PCDH9: variants seen among roughly 807,000 people sequenced by gnomAD.
PCDH9 encodes the protein protocadherin-9.
In PCDH9, 24 loss-of-function variants were observed where a neutral mutation model predicts 70.6. That is an observed-to-expected ratio of 0.34 (90% CI 0.25 to 0.48). PCDH9 has a LOEUF of 0.48. Among genes scored for constraint, PCDH9 ranks in the 20% least tolerant of loss-of-function variants. The probability of loss-of-function intolerance (pLI) is 0.99; values close to 1 mark genes in which losing one functional copy is unlikely to be tolerated. For missense variants in PCDH9, 1,281 were observed against 1,503.6 expected, an observed-to-expected ratio of 0.85 and a Z score of 2.45; for synonymous variants, 562 against 558.5, an observed-to-expected ratio of 1.01 and a Z score of -0.09.
chr13:66,574,216 G>A (rs2076779226), intron 4 of PCDH9, among the ~76,000 whole-genome samples: 1 of 152,168 alleles, frequency 6.6e-6, no homozygotes, highest in African/African-American at 2.4e-5. Flanking sequence ...ATATTAATGA[G>A]CAACAACTAT....
intron 2 of PCDH9, among the ~76,000 whole-genome samples, chr13:67,159,519 C>A (rs1328703422): frequency 6.6e-6 from 1 of 151,992 alleles, no homozygotes; most frequent in Non-Finnish European, 1.5e-5. Flanking sequence ...TCTTGGACAT[C>A]GAGTAGGAAA....
At chr13:66,975,206 C>A (rs2083594114) in intron 2 of PCDH9, among the ~76,000 whole-genome samples, 1 of 151,936 alleles carries the variant, frequency 6.6e-6, no homozygotes, top group Non-Finnish European at 1.5e-5. Context: ...AAGCAGAAAT[C>A]TAAATGACCT....
At chr13:66,981,024 T>G (rs2083752602) in intron 2 of PCDH9, among the ~76,000 whole-genome samples, 1 of 152,182 alleles carries the variant, frequency 6.6e-6, no homozygotes, top group East Asian at 1.9e-4. Context: ...CCATAAAATC[T>G]ATTTTAAACG....
chr13:66,723,037 T>C (rs1424439457), intron 3 of PCDH9, among the ~76,000 whole-genome samples: 2 of 151,858 alleles, frequency 1.3e-5, no homozygotes, highest in Non-Finnish European at 2.9e-5. Flanking sequence ...AAATTCCTAA[T>C]TTCTGCTCCT....
At position 67,027,217 on chromosome 13, in the gene PCDH9, A is replaced by G. The variant is rs1184163089; in HGVS notation, c.3037-123612T>C. 4.6e-5 allele frequency among the ~76,000 whole-genome samples: 7 copies of G among 152,248 alleles called. No homozygotes were observed. The South Asian group carries it at 1.5e-3, about 32-fold the overall frequency. ...GCATGGTACTGGTACCAAAACAGAG[A>G]TATAGATCAACGGAACAGAACAGAG... On this transcript the variant is annotated intron_variant, in intron 2 of 4. Transcript: ENST00000377865.
chr13:66,938,324 T>A lies in PCDH9; in HGVS notation c.3037-34719A>T, dbSNP rs1164733055. On this transcript the variant is annotated intron_variant, in intron 2 of 4. Transcript: ENST00000377865. ...ATTTCCTTAACATGATATACCAGAA[T>A]AAATAAAGCATTGCTATTTGAAAAA... 2.0e-5 allele frequency among the ~76,000 whole-genome samples: 3 copies of A among 152,226 alleles called. No individual in the cohort carries two copies. In the East Asian group the frequency reaches 5.8e-4, roughly 29 times the overall value.
intron 3 of PCDH9, among the ~76,000 whole-genome samples, chr13:66,748,221 A>G (rs1293484393): frequency 6.6e-6 from 1 of 152,216 alleles, no homozygotes; most frequent in Non-Finnish European, 1.5e-5. Flanking sequence ...CAAAAACCAA[A>G]ATCAATAGCA....
intron 4 of PCDH9, among the ~76,000 whole-genome samples, chr13:66,352,492 C>T (rs1050011326): frequency 6.6e-6 from 1 of 152,108 alleles, no homozygotes; most frequent in Non-Finnish European, 1.5e-5. Context: ...TAAGCCTCCT[C>T]TCATGGCTTG....
intron 2 of PCDH9, among the ~76,000 whole-genome samples, chr13:66,950,488 T>A (rs1294675443): frequency 6.6e-6 from 1 of 151,624 alleles, no homozygotes; most frequent in Non-Finnish European, 1.5e-5. Flanking sequence ...AAGATATATG[T>A]GTATGATTTT....
At chr13:66,608,754 C>G (rs993344769) in intron 4 of PCDH9, among the ~76,000 whole-genome samples, 2 of 149,780 alleles carry the variant, frequency 1.3e-5, no homozygotes, top group African/African-American at 4.9e-5. Flanking sequence ...CACCACAGGA[C>G]GAAAAAAAAT....
chr13:66,507,075 C>T (rs922105613), intron 4 of PCDH9, among the ~76,000 whole-genome samples: 1 of 152,118 alleles, frequency 6.6e-6, no homozygotes. Flanking sequence ...AATTTCTATA[C>T]CAATACTCTG....
chr13:66,557,513 CATAA>C (rs1445205264), intron 4 of PCDH9, among the ~76,000 whole-genome samples: 1 of 152,138 alleles, frequency 6.6e-6, no homozygotes, highest in Non-Finnish European at 1.5e-5. Context: ...CTCATCTGCT[CATAA>C]ATATAGAAAT....
intron 3 of PCDH9, among the ~76,000 whole-genome samples, chr13:66,895,885 A>G (rs1357198493): frequency 1.3e-5 from 2 of 152,172 alleles, no homozygotes; most frequent in African/African-American, 4.8e-5. Context: ...CTCTTTGTGC[A>G]TCATTTTCTA....
At chr13:66,544,904 G>A (rs1961118479) in intron 4 of PCDH9, among the ~76,000 whole-genome samples, 1 of 152,128 alleles carries the variant, frequency 6.6e-6, no homozygotes, top group South Asian at 2.1e-4. Flanking sequence ...ACCAGATCTT[G>A]TTTTACTCAG....
In PCDH9 at chr13:66,385,473, A is replaced by G. The variant is rs1442052967; in HGVS notation, c.3341-80445T>C. Among the ~76,000 whole-genome samples, 4 of 152,160 alleles carry G rather than the reference A, an allele frequency of 2.6e-5. No individual in the cohort carries two copies. In the East Asian group the frequency reaches 7.7e-4, roughly 29 times the overall value. ...ATCCTCCCCAAATAACAGGACTTCA[A>G]GACTATTAACTCAATTATTGACTCA... On this transcript the variant is annotated intron_variant, in intron 4 of 4. Transcript: ENST00000377865.
intron 4 of PCDH9, among the ~76,000 whole-genome samples, chr13:66,540,569 T>G (rs1960912160): frequency 6.6e-6 from 1 of 152,192 alleles, no homozygotes; most frequent in African/African-American, 2.4e-5. Flanking sequence ...ATTAAAATTT[T>G]ATGCACACTT....
rs1476997022 is a variant in PCDH9, at chr13:66,321,561, G to A, written c.3341-16533C>T. 4.0e-5 allele frequency among the ~76,000 whole-genome samples: 6 copies of A among 151,886 alleles called. No individual in the cohort carries two copies. In the East Asian group the frequency reaches 7.7e-4, roughly 20 times the overall value. ...CGTTGTTTGGCTGGCTGCCTATCTC[G>A]GAGCCTTTTGAATCCCTAAGATGGT... On this transcript the variant is annotated intron_variant, in intron 4 of 4. Transcript: ENST00000377865.
intron 3 of PCDH9, among the ~76,000 whole-genome samples, chr13:66,642,984 C>A (rs1047707116): frequency 6.6e-6 from 1 of 151,714 alleles, no homozygotes; most frequent in African/African-American, 2.4e-5. Context: ...ATAATAAAGG[C>A]AGTATGGTAT....
chr13:66,704,887 T>C (rs918055937), intron 3 of PCDH9, among the ~76,000 whole-genome samples: 1 of 152,194 alleles, frequency 6.6e-6, no homozygotes, highest in African/African-American at 2.4e-5. Context: ...TACATTGGTA[T>C]TAAAATAGTC....
Sources: allele counts gnomAD v4.1 joint callset (sites outside exome capture counted in the v4.1 genomes callset), GRCh38; gene constraint gnomAD v4.1.1; transcripts MANE v1.5; gene names NCBI Gene and HGNC (gene_info 2026-07-23, HGNC 2026-07-21).